The following TNS3 variants were observed in gnomAD, a reference collection of about 807,000 sequenced individuals.
TNS3 encodes the protein tensin 3.
TNS3 carries 45 observed loss-of-function variants against 140.9 expected under a neutral mutation model. The ratio of observed to expected loss-of-function variants is 0.32; its 90% confidence interval spans 0.25 to 0.41. The LOEUF (loss-of-function observed/expected upper bound fraction) is 0.41. Ranked by LOEUF, TNS3 falls within the 10% of genes least tolerant of loss-of-function variation. TNS3 has a pLI of 1.00. For missense variants in TNS3, 1,716 were observed against 1,906.7 expected, an observed-to-expected ratio of 0.90 and a Z score of 1.86; for synonymous variants, 815 against 788.4, an observed-to-expected ratio of 1.03 and a Z score of -0.56.
chr7:47,292,712 C>T (rs769433145), intron 26 of TNS3, 116 bp downstream of exon 26: 49 of 917,956 alleles, frequency 5.3e-5, no homozygotes, highest in Non-Finnish European at 7.3e-5. Context: ...CAAGAGAATA[C>T]GAAAAAACTT....
intron 20 of TNS3, among the ~76,000 whole-genome samples, chr7:47,337,262 T>C (rs911657154): frequency 2.6e-5 from 4 of 152,236 alleles, no homozygotes; most frequent in African/African-American, 9.6e-5. Flanking sequence ...GCAATAATCC[T>C]GAATAAAATC....
At chr7:47,491,107 A>G (rs887056072) in intron 3 of TNS3, among the ~76,000 whole-genome samples, 19 of 152,218 alleles carry the variant, frequency 1.2e-4, no homozygotes, top group Non-Finnish European at 2.5e-4. Context: ...GCGGGCAGAC[A>G]TGACCCAGGA....
chr7:47,469,789 C>T (rs780269750), intron 4 of TNS3, among the ~76,000 whole-genome samples: 1 of 151,998 alleles, frequency 6.6e-6, no homozygotes, highest in Non-Finnish European at 1.5e-5. Flanking sequence ...GCCTGACCAA[C>T]ATGGTGAAAC....
At chr7:47,323,142 C>T (rs9691574) in intron 20 of TNS3, among the ~76,000 whole-genome samples, 15,703 of 152,212 alleles carry the variant, frequency 0.1, 995 homozygotes, top group African/African-American at 0.17. Context: ...CTTTTTCTCA[C>T]GGAGCCACAT....
chr7:47,328,234 C>T (rs766945435), intron 20 of TNS3, among the ~76,000 whole-genome samples: 1 of 152,154 alleles, frequency 6.6e-6, no homozygotes, highest in African/African-American at 2.4e-5. Flanking sequence ...AGCTCAGGCC[C>T]GGGAAAGAAT....
chr7:47,523,645 G>A (rs943628951), intron 2 of TNS3, among the ~76,000 whole-genome samples: 4 of 152,194 alleles, frequency 2.6e-5, no homozygotes, highest in South Asian at 2.1e-4. Context: ...CCTGAAGGGC[G>A]GTGGCCCTCC....
chr7:47,560,632 C>T (rs1490785079), intron 1 of TNS3, among the ~76,000 whole-genome samples: 1 of 152,182 alleles, frequency 6.6e-6, no homozygotes, highest in Non-Finnish European at 1.5e-5. Context: ...CTGCAACCCT[C>T]GAACTGGGAT....
intron 17 of TNS3, among the ~76,000 whole-genome samples, chr7:47,367,470 G>A (rs557978238): frequency 8.5e-5 from 13 of 152,320 alleles, no homozygotes; most frequent in African/African-American, 3.1e-4. Flanking sequence ...CCAGGCAGAT[G>A]TCACTGCCTG....
chr7:47,569,964 C>T (rs747432128), intron 1 of TNS3, among the ~76,000 whole-genome samples: 14 of 151,980 alleles, frequency 9.2e-5, no homozygotes, highest in Non-Finnish European at 1.6e-4. Context: ...GCCTGGCCAA[C>T]ATGGTGAAAC....
chr7:47,298,634 C>T (rs1032303183), intron 23 of TNS3, among the ~76,000 whole-genome samples: 4 of 152,198 alleles, frequency 2.6e-5, no homozygotes, highest in South Asian at 2.1e-4. Flanking sequence ...TGCCTGGAAG[C>T]GATCAGGGCG....
At chr7:47,344,347 G>T (rs1325973524) in intron 20 of TNS3, among the ~76,000 whole-genome samples, 4 of 152,070 alleles carry the variant, frequency 2.6e-5, no homozygotes, top group African/African-American at 7.2e-5. Flanking sequence ...CAGACAGGAG[G>T]GGCCACAAGG....
intron 20 of TNS3, among the ~76,000 whole-genome samples, chr7:47,313,551 A>G (rs1036400428): frequency 2.0e-5 from 3 of 152,212 alleles, no homozygotes; most frequent in African/African-American, 7.2e-5. Flanking sequence ...AGAGTCATAT[A>G]AGAGAGGAGC....
chr7:47,377,718 C>G (rs1791485855), intron 16 of TNS3, among the ~76,000 whole-genome samples: 1 of 151,668 alleles, frequency 6.6e-6, no homozygotes, highest in South Asian at 2.1e-4. Context: ...CCCCCTCCTC[C>G]CTTTCCTCCT....
At chr7:47,355,039 C>T (rs1313727093) in intron 17 of TNS3, among the ~76,000 whole-genome samples, 1 of 152,058 alleles carries the variant, frequency 6.6e-6, no homozygotes, top group African/African-American at 2.4e-5. Context: ...AAGTCCCCTA[C>T]ACTGCCACTC....
chr7:47,324,884 T>C lies in TNS3; in HGVS notation c.2650+19871A>G, dbSNP rs898783286. On this transcript the variant is annotated intron_variant, in intron 20 of 30. Transcript: ENST00000311160. The stretch of plus-strand genomic sequence containing the variant: ...AGTCTGCGCATAACTGTATAATTCC[T>C]GTATCCCTTCAATTGTCACCAAGAT... Among the ~76,000 whole-genome samples the C allele has an allele frequency of 2.0e-5, 3 of 152,348 alleles. No individual in the cohort carries two copies. In the East Asian group the frequency reaches 5.8e-4, roughly 29 times the overall value.
Position 47,439,498 on chromosome 7 carries a change from C to A in TNS3, c.139G>T (p.Asp47Tyr). Residue 47 changes from aspartate (D) to tyrosine (Y), a missense_variant, in exon 6 of 31, where the codon GAC (aspartate) becomes TAC (tyrosine). Physicochemically the swap from Asp to Tyr is radical, Grantham distance 160 (BLOSUM62 -3). Around this residue, in one of 3 missense-constraint regions of TNS3, gnomAD observed 337 missense variants for 428.9 expected, o/e 0.79. Transcript: ENST00000311160. ...CGCCCACCGCTCACCAGGTAGTTGT[C>A]CCCGTGCTTGGACTTGAGCATGCGC... ...VTRMLKSKHG[D>Y]NYLVLNLSEK... 6.2e-7 allele frequency: 1 copy of A among 1,613,764 alleles called. No individual in the cohort carries two copies. The highest frequency in any genetic ancestry group is 8.5e-7 in the Non-Finnish European group (1 of 1,179,840).
At chr7:47,472,127 C>T (rs1345884312) in intron 4 of TNS3, among the ~76,000 whole-genome samples, 2 of 152,252 alleles carry the variant, frequency 1.3e-5, no homozygotes, top group Non-Finnish European at 2.9e-5. Context: ...CATCACCTGG[C>T]TTTCTCCCTG....
At chr7:47,546,005 T>C (rs959905046) in intron 1 of TNS3, among the ~76,000 whole-genome samples, 1 of 152,114 alleles carries the variant, frequency 6.6e-6, no homozygotes, top group Non-Finnish European at 1.5e-5. Context: ...TGTAGTTGGG[T>C]TAAGAAGCAC....
At chr7:47,556,919 C>A in intron 1 of TNS3, 1 of 422,360 alleles carries the variant, frequency 2.4e-6, no homozygotes, top group Non-Finnish European at 4.8e-6. Context: ...GGCAGAAGGG[C>A]AGGTTGCAGC....
Sources: allele counts gnomAD v4.1 joint callset (sites outside exome capture counted in the v4.1 genomes callset), GRCh38; gene constraint gnomAD v4.1.1; regional missense constraint gnomAD v4.1.1; transcripts MANE v1.5; gene names NCBI Gene and HGNC (gene_info 2026-07-23, HGNC 2026-07-21).